Variants in WWOX observed in about 807,000 individuals in gnomAD.
WWOX encodes the protein WW domain-containing oxidoreductase.
Under a neutral mutation model 46.2 loss-of-function variants are expected in WWOX, and 69 were observed. That is an observed-to-expected ratio of 1.49 (90% CI 1.23 to 1.82). WWOX has a LOEUF of 1.82. Ranked by LOEUF, WWOX falls within the 40% of genes most tolerant of loss-of-function variation. WWOX has a pLI of 0.00. For synonymous variants in WWOX, 359 were observed against 202.6 expected (o/e 1.77, Z -6.56); for missense variants, 919 against 542.6 (o/e 1.69, Z -6.89).
chr16:78,903,663 T>G (rs867542212), intron 8 of WWOX, among the ~76,000 whole-genome samples: 4 of 152,172 alleles, frequency 2.6e-5, no homozygotes, highest in Non-Finnish European at 5.9e-5. Flanking sequence ...GCCTGCAGAT[T>G]CTATTCCCCA....
At chr16:78,898,272 A>C (rs914380960) in intron 8 of WWOX, 1 of 152,182 alleles carries the variant, frequency 6.6e-6, no homozygotes, top group African/African-American at 2.4e-5. Flanking sequence ...CCATAACTTC[A>C]ATCTTTACAT....
intron 4 of WWOX, among the ~76,000 whole-genome samples, chr16:78,155,900 T>A (rs1178257042): frequency 6.6e-6 from 1 of 152,238 alleles, no homozygotes; most frequent in Non-Finnish European, 1.5e-5. Context: ...AAGCTTTTTT[T>A]ATATAAAACT....
At chr16:78,441,552 G>T (rs979356077) in intron 8 of WWOX, among the ~76,000 whole-genome samples, 2 of 152,176 alleles carry the variant, frequency 1.3e-5, no homozygotes, top group African/African-American at 2.4e-5. Flanking sequence ...GTGTGGGTAT[G>T]TTTGGAGGGA....
At chr16:78,495,369 G>C (rs908515511) in intron 8 of WWOX, among the ~76,000 whole-genome samples, 4 of 151,966 alleles carry the variant, frequency 2.6e-5, no homozygotes, top group African/African-American at 9.7e-5. Context: ...TCGAACTCTT[G>C]ACCTCAGGTG....
intron 6 of WWOX, among the ~76,000 whole-genome samples, chr16:78,424,096 T>G (rs1173531825): frequency 7.1e-6 from 1 of 139,882 alleles, no homozygotes; most frequent in Non-Finnish European, 1.5e-5. Flanking sequence ...GTTTTTCTTT[T>G]CTTTTCTTTT....
intron 8 of WWOX, among the ~76,000 whole-genome samples, chr16:78,489,800 A>G (rs2084735034): frequency 6.6e-6 from 1 of 152,176 alleles, no homozygotes; most frequent in South Asian, 2.1e-4. Context: ...CTGGGACCAC[A>G]GTTCCGGCTG....
intron 8 of WWOX, among the ~76,000 whole-genome samples, chr16:78,581,073 TTAATC>T (rs1182648881): frequency 6.6e-6 from 1 of 152,248 alleles, no homozygotes; most frequent in East Asian, 1.9e-4. Context: ...GATTTTTTTT[TTAATC>T]TAAGAGCTTT....
chr16:79,120,512 T>G (rs1250266014), intron 8 of WWOX, among the ~76,000 whole-genome samples: 2 of 152,120 alleles, frequency 1.3e-5, no homozygotes, highest in Non-Finnish European at 2.9e-5. Flanking sequence ...CCTGTGCTAG[T>G]TTTTTGTGGC....
In WWOX at chr16:78,817,868, G is replaced by C. The variant is rs186838338; in HGVS notation, c.1056+385116G>C. 9.9e-5 allele frequency among the ~76,000 whole-genome samples: 15 copies of C among 152,260 alleles called. 1 individual carries two copies. The East Asian group carries it at 2.9e-3, about 29-fold the overall frequency. On this transcript the variant is annotated intron_variant, in intron 8 of 8. Transcript: ENST00000566780. The stretch of plus-strand genomic sequence containing the variant: ...GAGGTCAAGCCTTCTTATTGTCATA[G>C]GTCATTTTCTTTAGAAATGAGAAAC...
chr16:78,908,134 G>A (rs755045135), intron 8 of WWOX, among the ~76,000 whole-genome samples: 1 of 152,112 alleles, frequency 6.6e-6, no homozygotes, highest in Non-Finnish European at 1.5e-5. Context: ...GGATTCTATG[G>A]CCAAGTGTGT....
At chr16:78,494,739 G>C (rs562241986) in intron 8 of WWOX, among the ~76,000 whole-genome samples, 1 of 152,284 alleles carries the variant, frequency 6.6e-6, no homozygotes, top group African/African-American at 2.4e-5. Flanking sequence ...CCTTGAGTCA[G>C]CACATTGAGC....
In WWOX at chr16:78,324,164, C is replaced by A. The variant is rs949213947; in HGVS notation, c.517-62696C>A. ...AGACCGTGGCCTTTGTCATTCAGGTCATGCTGCTTTCCTCAAGGCAAGGAA... is the reference window on the plus strand; with the variant it reads ...AGACCGTGGCCTTTGTCATTCAGGTAATGCTGCTTTCCTCAAGGCAAGGAA... On this transcript the variant is annotated intron_variant, in intron 5 of 8. Transcript: ENST00000566780. Among the ~76,000 whole-genome samples the A allele has an allele frequency of 2.0e-5, 3 of 152,034 alleles. No individual in the cohort carries two copies. The East Asian group carries it at 5.8e-4, about 30-fold the overall frequency.
chr16:78,193,482 G>A (rs1567622868), intron 5 of WWOX, among the ~76,000 whole-genome samples: 2 of 26,904 alleles, frequency 7.4e-5, no homozygotes, highest in East Asian at 1.1e-3. Context: ...GAATCAAACC[G>A]GTGGTCTTTT....
intron 8 of WWOX, among the ~76,000 whole-genome samples, chr16:78,669,219 C>G (rs1211041634): frequency 1.3e-5 from 2 of 152,172 alleles, no homozygotes; most frequent in East Asian, 1.9e-4. Flanking sequence ...AGGAGAAGCC[C>G]CAAAGAAGCT....
intron 8 of WWOX, among the ~76,000 whole-genome samples, chr16:78,794,241 T>C (rs898057457): frequency 1.3e-5 from 2 of 152,182 alleles, no homozygotes; most frequent in African/African-American, 2.4e-5. Context: ...GGCGGGACTC[T>C]GGCCAGACAT....
intron 5 of WWOX, among the ~76,000 whole-genome samples, chr16:78,186,326 G>T (rs577308826): frequency 8.6e-5 from 13 of 151,820 alleles, no homozygotes; most frequent in Non-Finnish European, 1.8e-4. Flanking sequence ...GACCTAGAGG[G>T]TAACCACTGG....
Position 78,506,057 on chromosome 16 carries a change from C to T in WWOX, c.1056+73305C>T, listed in dbSNP as rs186233520. 5.2e-3 allele frequency among the ~76,000 whole-genome samples: 793 copies of T among 152,314 alleles called. 4 individuals are homozygous for T. The highest frequency in any genetic ancestry group is 0.018 in the African/African-American group (746 of 41,578). Reference sequence around the variant, plus strand: ...CACCCCTGGATCTTCTGCTGAGTATCGGATTGGTCTGCGTCCAAGAGCTCC... The same window carrying T: ...CACCCCTGGATCTTCTGCTGAGTATTGGATTGGTCTGCGTCCAAGAGCTCC... On this transcript the variant is annotated intron_variant, in intron 8 of 8. Coordinates refer to ENST00000566780, the MANE Select transcript of WWOX (RefSeq NM_016373.4).
At chr16:78,302,655 A>G (rs888224371) in intron 5 of WWOX, among the ~76,000 whole-genome samples, 3 of 152,196 alleles carry the variant, frequency 2.0e-5, no homozygotes, top group Non-Finnish European at 4.4e-5. Context: ...AGTAGAGGGC[A>G]TGTGGTCTCT....
chr16:78,107,130 T>C (rs1447595821), intron 1 of WWOX, among the ~76,000 whole-genome samples: 2 of 152,254 alleles, frequency 1.3e-5, no homozygotes, highest in South Asian at 2.1e-4. Context: ...ATCATCTAGA[T>C]GTTGCTGATT....
Sources: gnomAD v4.1 joint callset for allele counts (sites outside exome capture counted in the v4.1 genomes callset) on GRCh38, gnomAD v4.1.1 for gene constraint, MANE v1.5 for transcripts, NCBI Gene and HGNC (gene_info 2026-07-23, HGNC 2026-07-21) for gene names.